PRUNE2: variants seen among roughly 807,000 people sequenced by gnomAD.
PRUNE2 encodes the protein protein prune homolog 2.
In PRUNE2, 164 loss-of-function variants were observed where a neutral mutation model predicts 252.0. The observed-to-expected ratio is 0.65, with a 90% CI of 0.57 to 0.74. PRUNE2 has a LOEUF of 0.74. Ranked by LOEUF, PRUNE2 falls within the 30% of genes least tolerant of loss-of-function variation. PRUNE2 has a pLI of 0.00. For synonymous variants in PRUNE2, 1,292 were observed against 1,350.2 expected, an observed-to-expected ratio of 0.96 and a Z score of 0.94; for missense variants, 3,495 against 3,711.0, an observed-to-expected ratio of 0.94 and a Z score of 1.51.
intron 1 of PRUNE2, among the ~76,000 whole-genome samples, chr9:76,894,091 G>C (rs1157714465): frequency 2.6e-5 from 4 of 151,994 alleles, no homozygotes; most frequent in Non-Finnish European, 4.4e-5. Context: ...ACCATCTAAA[G>C]AGAAAAAACG....
chr9:76,872,643 A>ACACACACC (rs1554820935), intron 1 of PRUNE2, among the ~76,000 whole-genome samples: 22 of 147,006 alleles, frequency 1.5e-4, no homozygotes, highest in African/African-American at 4.9e-4. Context: ...ACACACACAC[A>ACACACACC]CCCTCACACC....
chr9:76,732,920 G>T (rs766798423), intron 6 of PRUNE2, among the ~76,000 whole-genome samples: 1 of 152,168 alleles, frequency 6.6e-6, no homozygotes. Context: ...ACAGACCACC[G>T]ATTTCTCTTG....
chr9:76,761,777 A>T (rs1353943690), intron 6 of PRUNE2, among the ~76,000 whole-genome samples: 1 of 152,242 alleles, frequency 6.6e-6, no homozygotes, highest in African/African-American at 2.4e-5. Context: ...AAAGTTTATC[A>T]AAAGACCCAT....
chr9:76,867,611 A>G (rs1434098601), intron 1 of PRUNE2, among the ~76,000 whole-genome samples: 1 of 152,072 alleles, frequency 6.6e-6, no homozygotes, highest in Non-Finnish European at 1.5e-5. Flanking sequence ...CTCTGTCCCT[A>G]AGGCTGGAGC....
At position 76,704,349 on chromosome 9, in the gene PRUNE2, C is replaced by T. The variant is rs943185654; in HGVS notation, c.7514-250G>A. On this transcript the variant is annotated intron_variant, in intron 8 of 18. Coordinates refer to ENST00000376718, the MANE Select transcript of PRUNE2 (RefSeq NM_015225.3). ...AAGCTATTCTTCTGCCTCAGCCTCC[C>T]GAGTAGCTGGGACTACAGGCACCTG... is the stretch of plus-strand genomic sequence containing the variant. Among the ~76,000 whole-genome samples, 5 of 152,044 alleles carry T rather than the reference C, an allele frequency of 3.3e-5. No homozygotes were observed. In the East Asian group the frequency reaches 5.8e-4, roughly 18 times the overall value.
chr9:76,902,502 A>G lies in PRUNE2; in HGVS notation c.36+3426T>C, dbSNP rs575627761. Among the ~76,000 whole-genome samples the G allele has an allele frequency of 4.8e-4, 73 of 152,302 alleles. No individual in the cohort carries two copies. The South Asian group carries it at 0.01, about 21-fold the overall frequency. On this transcript the variant is annotated intron_variant, in intron 1 of 18. Coordinates refer to ENST00000376718, the MANE Select transcript of PRUNE2 (RefSeq NM_015225.3). ...AAAATATGGCTGGGTTCTCACATCA[A>G]GGAAGTGATTTCAACTAGGAAGCGC...
At chr9:76,843,725 CTTTTTTT>C (rs71501394) in intron 4 of PRUNE2, among the ~76,000 whole-genome samples, 3 of 128,174 alleles carry the variant, frequency 2.3e-5, no homozygotes, top group Admixed American at 8.0e-5. Context: ...CTTGATTCCT[CTTTTTTT>C]TTTTTTTTTT....
chr9:76,704,660 T>C (rs2134804974), intron 8 of PRUNE2, 101 bp downstream of exon 8: 2 of 855,554 alleles, frequency 2.3e-6, no homozygotes, highest in East Asian at 2.7e-5. Context: ...TAGTTAGTTT[T>C]CTCTCTACCC....
At chr9:76,671,684 T>C (rs2041510206) in intron 9 of PRUNE2, among the ~76,000 whole-genome samples, 5 of 151,926 alleles carry the variant, frequency 3.3e-5, no homozygotes, top group Admixed American at 3.3e-4. Context: ...GGGAAGCCCA[T>C]CAGACTAACA....
intron 6 of PRUNE2, among the ~76,000 whole-genome samples, chr9:76,714,652 C>T (rs1300384952): frequency 1.3e-5 from 2 of 152,216 alleles, no homozygotes; most frequent in Non-Finnish European, 2.9e-5. Context: ...CCACTTCATC[C>T]TTGCAAAGTG....
At chr9:76,870,718 G>T (rs941663255) in intron 1 of PRUNE2, among the ~76,000 whole-genome samples, 1 of 151,590 alleles carries the variant, frequency 6.6e-6, no homozygotes, top group Non-Finnish European at 1.5e-5. Flanking sequence ...CAATGGGTTG[G>T]TTTCCAGATG....
intron 12 of PRUNE2, among the ~76,000 whole-genome samples, chr9:76,642,814 G>T (rs1041218362): frequency 6.6e-6 from 1 of 152,250 alleles, no homozygotes; most frequent in African/African-American, 2.4e-5. Flanking sequence ...TGTTCAGGGT[G>T]TAGGAAAAGG....
chr9:76,713,326 G>A (rs1298187528), intron 7 of PRUNE2, among the ~76,000 whole-genome samples: 2 of 152,226 alleles, frequency 1.3e-5, no homozygotes, highest in Non-Finnish European at 2.9e-5. Flanking sequence ...TTGGGAATGA[G>A]AAAGAGCTAA....
intron 9 of PRUNE2, among the ~76,000 whole-genome samples, chr9:76,697,025 T>C (rs2045456699): frequency 6.6e-6 from 1 of 152,232 alleles, no homozygotes; most frequent in Non-Finnish European, 1.5e-5. Context: ...ATTTTCCTAA[T>C]TTGAATGTGT....
At chr9:76,788,457 G>A (rs1456975626) in intron 6 of PRUNE2, 1 of 744,052 alleles carries the variant, frequency 1.3e-6, no homozygotes, top group East Asian at 2.5e-5. Flanking sequence ...GCATGCATTT[G>A]GAGCCAGAGT....
chr9:76,861,506 G>C (rs773533903), intron 1 of PRUNE2, among the ~76,000 whole-genome samples: 1 of 152,178 alleles, frequency 6.6e-6, no homozygotes, highest in African/African-American at 2.4e-5. Context: ...ATATGTAAGA[G>C]GCCATTGTGG....
In PRUNE2 at chr9:76,872,658, A is replaced by G. The variant is rs1589701931; in HGVS notation, c.37-18450T>C. Among the ~76,000 whole-genome samples the G allele has an allele frequency of 2.0e-5, 3 of 148,458 alleles. No individual in the cohort carries two copies. In the East Asian group the frequency reaches 5.9e-4, roughly 29 times the overall value. On this transcript the variant is annotated intron_variant, in intron 1 of 18. Coordinates refer to ENST00000376718, the MANE Select transcript of PRUNE2 (RefSeq NM_015225.3). ...ACACACACACACCCTCACACCTCAAAACTCCCTATTGGTCAGAGATATATA... is the reference window on the plus strand; with the variant it reads ...ACACACACACACCCTCACACCTCAAGACTCCCTATTGGTCAGAGATATATA...
chr9:76,893,992 G>A (rs1176140800), intron 1 of PRUNE2, among the ~76,000 whole-genome samples: 1 of 152,134 alleles, frequency 6.6e-6, no homozygotes, highest in African/African-American at 2.4e-5. Flanking sequence ...ATAGAAGAAA[G>A]ATTCACCTAG....
intron 9 of PRUNE2, among the ~76,000 whole-genome samples, chr9:76,680,080 G>C (rs930872745): frequency 1.3e-5 from 2 of 152,108 alleles, no homozygotes; most frequent in African/African-American, 4.8e-5. Context: ...TATGGAATGA[G>C]AGAAAACATT....
Sources: gnomAD v4.1 joint callset for allele counts (sites outside exome capture counted in the v4.1 genomes callset) on GRCh38, gnomAD v4.1.1 for gene constraint, MANE v1.5 for transcripts, NCBI Gene and HGNC (gene_info 2026-07-23, HGNC 2026-07-21) for gene names.